Variants in RBPJ observed in about 807,000 individuals in gnomAD.
RBPJ encodes recombination signal binding protein for immunoglobulin kappa J region, also known as recombining binding protein suppressor of hairless.
RBPJ carries 9 observed loss-of-function variants against 67.8 expected under a neutral mutation model. The ratio of observed to expected loss-of-function variants is 0.13; its 90% confidence interval spans 0.08 to 0.23. RBPJ has a LOEUF of 0.23. RBPJ is among the 10% of genes least tolerant of loss of function. The pLI, the probability that RBPJ is intolerant of heterozygous loss-of-function variation, is 1.00. For synonymous variants in RBPJ, 198 were observed against 203.3 expected, an observed-to-expected ratio of 0.97 and a Z score of 0.22; for missense variants, 305 against 595.6, an observed-to-expected ratio of 0.51 and a Z score of 5.08.
At chr4:26,241,673 A>C (rs1378760317) in intron 1 of RBPJ, among the ~76,000 whole-genome samples, 1 of 151,284 alleles carries the variant, frequency 6.6e-6, no homozygotes, top group Non-Finnish European at 1.5e-5. Context: ...CACCACACCC[A>C]TTTATTTTTT....
intron 1 of RBPJ, among the ~76,000 whole-genome samples, chr4:26,259,542 C>T (rs1720459323): frequency 6.6e-6 from 1 of 152,184 alleles, no homozygotes; most frequent in Admixed American, 6.5e-5. Flanking sequence ...AGCAATTCTT[C>T]AAAGAAATGC....
chr4:26,130,450 C>G, the RBPJ span, among the ~76,000 whole-genome samples: 1 of 152,116 alleles, frequency 6.6e-6, no homozygotes, highest in East Asian at 1.9e-4. Flanking sequence ...TGGGCAGGGA[C>G]GTCTTGAGAA....
chr4:26,303,868 C>T lies in RBPJ; in HGVS notation c.-166-58578C>T, dbSNP rs115400388. Among the ~76,000 whole-genome samples the T allele has an allele frequency of 9.9e-3, 1,506 of 152,228 alleles. 34 individuals are homozygous for T. The highest frequency in any genetic ancestry group is 0.034 in the African/African-American group (1,424 of 41,508). ...TGCTCTCTCTCCTGTCTTTGCTTAA[C>T]AGTTTCATTGAGATGCACTTCACAT... On this transcript the variant is annotated intron_variant, in intron 1 of 4. Coordinates refer to the RBPJ transcript ENST00000512351.
intron 1 of RBPJ, among the ~76,000 whole-genome samples, chr4:26,255,780 C>T (rs1168618347): frequency 2.4e-5 from 3 of 126,404 alleles, no homozygotes; most frequent in South Asian, 2.4e-4. Context: ...CCAGCCTGGG[C>T]AACAGAGCAA....
At chr4:26,215,770 C>T (rs1203788391) in intron 1 of RBPJ, among the ~76,000 whole-genome samples, 1 of 152,128 alleles carries the variant, frequency 6.6e-6, no homozygotes. Context: ...AATGGCTAAC[C>T]TTCAGCACCT....
intron 1 of RBPJ, among the ~76,000 whole-genome samples, chr4:26,237,871 GTTTGTTTTGTTT>G (rs1226171750): frequency 7.2e-6 from 1 of 138,226 alleles, no homozygotes; most frequent in African/African-American, 2.8e-5. Context: ...AGCTATTTGA[GTTTGTTTTGTTT>G]TTTGTTTTGT....
chr4:26,208,913 T>C (rs1428956589), intron 1 of RBPJ, among the ~76,000 whole-genome samples: 2 of 152,160 alleles, frequency 1.3e-5, no homozygotes, highest in Non-Finnish European at 2.9e-5. Context: ...ATAGTAGATA[T>C]TCAATATTTG....
intron 1 of RBPJ, among the ~76,000 whole-genome samples, chr4:26,346,406 A>T (rs1726151187): frequency 6.6e-6 from 1 of 152,148 alleles, no homozygotes. Context: ...TGGCTGCCTA[A>T]TCTTATTATG....
intron 1 of RBPJ, among the ~76,000 whole-genome samples, chr4:26,186,524 C>T (rs2109135511): frequency 6.6e-6 from 1 of 152,270 alleles, no homozygotes; most frequent in Non-Finnish European, 1.5e-5. Flanking sequence ...GACCCAACCA[C>T]TCTCTTTCTT....
At chr4:26,148,867 A>G in the RBPJ span, among the ~76,000 whole-genome samples, 7 of 152,244 alleles carry the variant, frequency 4.6e-5, no homozygotes, top group Non-Finnish European at 1.0e-4. Context: ...GGATGCTCTG[A>G]AACTGAGCAA....
intron 1 of RBPJ, among the ~76,000 whole-genome samples, chr4:26,227,948 C>T (rs556989870): frequency 1.3e-5 from 2 of 152,342 alleles, no homozygotes; most frequent in East Asian, 1.9e-4. Flanking sequence ...CCAGGCTTCA[C>T]GGGCAGTTCC....
chr4:26,286,490 AAAAAG>A (rs1206494848), intron 1 of RBPJ, among the ~76,000 whole-genome samples: 3 of 149,586 alleles, frequency 2.0e-5, no homozygotes, highest in Non-Finnish European at 4.5e-5. Context: ...AAAAAAAAAA[AAAAAG>A]AGACAAACAA....
At chr4:26,187,469 GAAGT>G (rs78644675) in intron 1 of RBPJ, among the ~76,000 whole-genome samples, 78,181 of 151,476 alleles carry the variant, frequency 0.52, 20,554 homozygotes, top group East Asian at 0.69. Context: ...ACATCTTCTC[GAAGT>G]AAGTATCACA....
chr4:26,247,525 C>T (rs1180027932), intron 1 of RBPJ, among the ~76,000 whole-genome samples: 1 of 152,122 alleles, frequency 6.6e-6, no homozygotes, highest in Non-Finnish European at 1.5e-5. Flanking sequence ...ATTCTCCTGC[C>T]TCGGCCTCCC....
At chr4:26,337,666 C>T (rs1409861470) in intron 1 of RBPJ, among the ~76,000 whole-genome samples, 1 of 144,526 alleles carries the variant, frequency 6.9e-6, no homozygotes, top group African/African-American at 2.5e-5. Flanking sequence ...GAAATATATA[C>T]TTATAATTCT....
intron 1 of RBPJ, among the ~76,000 whole-genome samples, chr4:26,177,208 C>T (rs1379024472): frequency 1.3e-5 from 2 of 152,178 alleles, no homozygotes; most frequent in Admixed American, 6.5e-5. Context: ...TAAATTCAAG[C>T]CTTTCGCTCT....
intron 1 of RBPJ, among the ~76,000 whole-genome samples, chr4:26,229,557 A>G (rs1005325995): frequency 5.9e-5 from 9 of 152,106 alleles, no homozygotes; most frequent in African/African-American, 1.7e-4. Flanking sequence ...TACTCCATGC[A>G]TAGAAGCGTT....
chr4:26,135,857 C>G, the RBPJ span, among the ~76,000 whole-genome samples: 11 of 152,154 alleles, frequency 7.2e-5, no homozygotes, highest in Admixed American at 4.6e-4. Flanking sequence ...CCTGGCAGCT[C>G]TGCTTGAAGA....
intron 1 of RBPJ, among the ~76,000 whole-genome samples, chr4:26,288,954 G>C (rs954423298): frequency 7.0e-6 from 1 of 143,708 alleles, no homozygotes; most frequent in African/African-American, 2.6e-5. Flanking sequence ...TGGCATGAAG[G>C]CCTTTGCACA....
Sources: gnomAD v4.1 joint callset for allele counts (sites outside exome capture counted in the v4.1 genomes callset) on GRCh38, gnomAD v4.1.1 for gene constraint, MANE v1.5 for transcripts, NCBI Gene and HGNC (gene_info 2026-07-23, HGNC 2026-07-21) for gene names.